SALL4: variants seen among roughly 807,000 people sequenced by gnomAD.
SALL4 encodes the protein sal-like protein 4.
Under a neutral mutation model 60.8 loss-of-function variants are expected in SALL4, and 4 were observed. The observed-to-expected ratio is 0.07, with a 90% CI of 0.03 to 0.15. The LOEUF (loss-of-function observed/expected upper bound fraction) is 0.15. Ranked by LOEUF, SALL4 falls within the 10% of genes least tolerant of loss-of-function variation. SALL4 has a pLI of 1.00. For missense variants in SALL4, 1,178 were observed against 1,394.7 expected, an observed-to-expected ratio of 0.84 and a Z score of 2.48; for synonymous variants, 580 against 574.9, an observed-to-expected ratio of 1.01 and a Z score of -0.13.
rs1398218869 is a variant in SALL4 at position 51,782,351 on chromosome 20, A to C, written c.*1914T>G. On this transcript the variant is annotated 3_prime_UTR_variant, in exon 4 of 4. Transcript: ENST00000217086. ...CTGGGTGAGAAAAAAAAACATTCAA[A>C]TTTTATTTTCCAACAGACAGACAGC... is the stretch of plus-strand genomic sequence containing the variant. 1.3e-5 allele frequency: 2 copies of C among 151,996 alleles called. No individual in the cohort carries two copies. Among genetic ancestry groups the C allele is most frequent in the East Asian group, 3.9e-4 (2 of 5,184 alleles). The allele number at this position is 151,996 out of a possible 1,614,324, so 9.4% of individuals were successfully genotyped here.
At chr20:51,798,523 A>T (rs1328397859) in intron 1 of SALL4, among the ~76,000 whole-genome samples, 3 of 152,160 alleles carry the variant, frequency 2.0e-5, no homozygotes, top group Non-Finnish European at 2.9e-5. Context: ...TGGCTTTTAA[A>T]AATGTTTAGA....
chr20:51,785,953 T>A (rs550771637), intron 3 of SALL4, among the ~76,000 whole-genome samples: 3 of 149,952 alleles, frequency 2.0e-5, no homozygotes, highest in Non-Finnish European at 3.0e-5. Flanking sequence ...TTTTTTTGAG[T>A]CTTAATCTGT....
intron 1 of SALL4, among the ~76,000 whole-genome samples, chr20:51,794,474 C>T (rs2078068446): frequency 6.6e-6 from 1 of 152,046 alleles, no homozygotes; most frequent in Middle Eastern, 3.2e-3. Flanking sequence ...TCACTTGAAC[C>T]CAGGAGGCGG....
rs757430438 is a variant in SALL4, at chr20:51,791,446, C to T, written c.1037G>A (p.Ser346Asn). The T allele has an allele frequency of 5.6e-5, 90 of 1,614,074 alleles. No individual in the cohort carries two copies. Among genetic ancestry groups the T allele is most frequent in the Non-Finnish European group, 7.0e-5 (83 of 1,180,038 alleles). ...PQAPGSVLFQ[S>N]PFSTVALDTS... ...GTCTAGCGCCACAGTGGAGAAAGGG[C>T]TCTGGAAGAGCACCGAGCCCGGGGC... The change falls in exon 2 of 4, where the codon AGC becomes AAC. Residue 346 changes from serine (S) to asparagine (N), a missense_variant. Around this residue, in one of 5 missense-constraint regions of SALL4, gnomAD observed 853 missense variants for 1,036.8 expected, o/e 0.82. Coordinates refer to ENST00000217086, the MANE Select transcript of SALL4 (RefSeq NM_020436.5). This position sits in a 1 kb window ranked among gnomAD's most constrained non-coding sequence, Gnocchi z 4.6.
rs1723332371 is a variant in SALL4, at chr20:51,784,593, T to C, written c.2834A>G (p.Asp945Gly). The change falls in exon 4 of 4, where the codon GAC (aspartate) becomes GGC (glycine). Residue 945 changes from aspartate to glycine, a missense_variant. Transcript: ENST00000217086. The part of the protein sequence containing the change: ...IENTMALLGT[D>G]GKRVSEIFPK... ...AAAGATTTCTGAGACTCTTTTTCCGTCCGTACCTAACAGAGCCATGGTGTT... is the reference window on the plus strand; with the variant it reads ...AAAGATTTCTGAGACTCTTTTTCCGCCCGTACCTAACAGAGCCATGGTGTT... 3 of 1,614,096 alleles carry C rather than the reference T, an allele frequency of 1.9e-6. No individual in the cohort carries two copies. The highest frequency in any genetic ancestry group is 2.5e-6 in the Non-Finnish European group (3 of 1,180,026).
In SALL4 at chr20:51,788,545, G is replaced by C. The variant is rs1004513927; in HGVS notation, c.2742+316C>G. 2.0e-5 allele frequency among the ~76,000 whole-genome samples: 3 copies of C among 152,028 alleles called. No homozygotes were observed. Among genetic ancestry groups the C allele is most frequent in the African/African-American group, 7.2e-5 (3 of 41,388 alleles). On this transcript the variant is annotated intron_variant, in intron 3 of 3. Transcript: ENST00000217086. The surrounding 1 kb of genome is among the most constrained non-coding windows in gnomAD (Gnocchi z 4.1). ...CTCTACTAAAAATACAAAAAAATTA[G>C]CCGGCCATGGTGGCGGACGCCTGTA... is the stretch of plus-strand genomic sequence containing the variant.
rs41274696 is a variant in SALL4, at chr20:51,790,268, C to A, written c.2215G>T (p.Ala739Ser). The A allele has an allele frequency of 3.8e-3, 6,122 of 1,614,146 alleles. 18 individuals carry two copies. Among genetic ancestry groups the A allele is most frequent in the Non-Finnish European group, 4.4e-3 (5,228 of 1,180,040 alleles). ...CCCTGGCGCTGCAGGTTAAAAGGGG[C>A]AGGACCCACTTTCCCTGGGGCATCT... ...SLDAPGKVGP[A>S]PFNLQRQGSR... Residue 739 changes from alanine to serine, a missense_variant, in exon 2 of 4, where the codon GCC (alanine) becomes TCC (serine). This residue lies in a region of SALL4 where 853 missense variants were observed against 1,036.8 expected (regional missense o/e 0.82). Coordinates refer to ENST00000217086, the MANE Select transcript of SALL4 (RefSeq NM_020436.5). The surrounding 1 kb of genome is among the most constrained non-coding windows in gnomAD (Gnocchi z 5.5).
At position 51,783,420 on chromosome 20, in the gene SALL4, G is replaced by A. The variant is rs2077967232; in HGVS notation, c.*845C>T. On this transcript the variant is annotated 3_prime_UTR_variant, in exon 4 of 4. Coordinates refer to ENST00000217086, the MANE Select transcript of SALL4 (RefSeq NM_020436.5). Reference sequence around the variant, plus strand: ...TAGTTTTTTGTTGTTCCTTTTTTAAGTACATTCAAAAAAAAACAATAAGAT... The same window carrying A: ...TAGTTTTTTGTTGTTCCTTTTTTAAATACATTCAAAAAAAAACAATAAGAT... 6.7e-6 allele frequency: 1 copy of A among 149,170 alleles called. No homozygotes were observed. Among genetic ancestry groups the A allele is most frequent in the Admixed American group, 6.6e-5 (1 of 15,122 alleles). 9.2% of individuals were successfully genotyped at this position (149,170 alleles called of 1,614,324 possible). A position where few individuals can be genotyped will look rare whatever the true frequency, so the allele number is the denominator to read the frequency against.
chr20:51,787,571 G>A (rs1331703023), intron 3 of SALL4, among the ~76,000 whole-genome samples: 8 of 152,194 alleles, frequency 5.3e-5, no homozygotes, highest in Non-Finnish European at 7.3e-5. Flanking sequence ...GGCTTCTGCT[G>A]AAGAAGGGAC....
Position 51,784,361 on chromosome 20 carries a change from A to T in SALL4, c.3066T>A (p.Gly1022=). 6.2e-7 allele frequency: 1 copy of T among 1,614,184 alleles called. No homozygotes were observed. The highest frequency in any genetic ancestry group is 8.5e-7 in the Non-Finnish European group (1 of 1,180,030). The change falls in exon 4 of 4, where the codon GGT becomes GGA. Residue 1022 remains glycine, a synonymous_variant. Coordinates refer to ENST00000217086, the MANE Select transcript of SALL4 (RefSeq NM_020436.5). ...TTGGTTTTTCCACATCTGCACTGAT[A>T]CCCGACTGGGAGCCATCCATCTTGG... is the stretch of plus-strand genomic sequence containing the variant. ...TVSKMDGSQS[G]ISADVEKPSA... is the part of the protein sequence containing the mutation.
chr20:51,792,461 GGCA>G (rs2078053694), intron 1 of SALL4, 109 bp from the exon 2 acceptor site: 3 of 1,350,624 alleles, frequency 2.2e-6, no homozygotes, highest in Middle Eastern at 2.3e-4. Flanking sequence ...GGCTGAGGTG[GGCA>G]GATCACCTGA....
At chr20:51,795,402 G>C (rs890348808) in intron 1 of SALL4, among the ~76,000 whole-genome samples, 1 of 151,940 alleles carries the variant, frequency 6.6e-6, no homozygotes, top group South Asian at 2.1e-4. Flanking sequence ...GCGAGACTCC[G>C]TGTCAAAAAA....
In SALL4 at chr20:51,784,703, A is replaced by C; in HGVS notation, c.2743-19T>G. On this transcript the variant is annotated intron_variant, in intron 3 of 3. Coordinates refer to ENST00000217086, the MANE Select transcript of SALL4 (RefSeq NM_020436.5). ...AGTGAACCTATGGGAACAGGACAGAAAGGTTTTTACCAAAATAGAGATTTG... is the reference window on the plus strand; with the variant it reads ...AGTGAACCTATGGGAACAGGACAGACAGGTTTTTACCAAAATAGAGATTTG... The C allele has an allele frequency of 6.2e-7, 1 of 1,614,126 alleles. No individual in the cohort carries two copies. Among genetic ancestry groups the C allele is most frequent in the Non-Finnish European group, 8.5e-7 (1 of 1,179,992 alleles).
chr20:51,791,653 T>C lies in SALL4; in HGVS notation c.830A>G (p.Gln277Arg). 6.2e-7 allele frequency: 1 copy of C among 1,614,148 alleles called. No individual in the cohort carries two copies. Among genetic ancestry groups the C allele is most frequent in the Non-Finnish European group, 8.5e-7 (1 of 1,180,048 alleles). ...AGACAGACCTTGGCTTCCAGCTTTC[T>C]GGCTGAGCAAAGCCACAGCTGCAGA... ...QVSAAVALLS[Q>R]KAGSQGLSLD... The change falls in exon 2 of 4, where the codon CAG becomes CGG. Residue 277 changes from glutamine (Q) to arginine (R), a missense_variant. Around this residue, in one of 5 missense-constraint regions of SALL4, gnomAD observed 853 missense variants for 1,036.8 expected, o/e 0.82. Coordinates refer to ENST00000217086, the MANE Select transcript of SALL4 (RefSeq NM_020436.5). This position sits in a 1 kb window ranked among gnomAD's most constrained non-coding sequence, Gnocchi z 4.6.
chr20:51,784,143 T>TA lies in SALL4; in HGVS notation c.*121dup, dbSNP rs2077972713. On this transcript the variant is annotated 3_prime_UTR_variant, in exon 4 of 4. Coordinates refer to ENST00000217086, the MANE Select transcript of SALL4 (RefSeq NM_020436.5). ...CCTGAGGTTGTGGTCACAACCAACGTAGTAAACATCATTTGCATATCAGTA... is the reference window on the plus strand; with the variant it reads ...CCTGAGGTTGTGGTCACAACCAACGTAAGTAAACATCATTTGCATATCAGTA... 6.8e-6 allele frequency: 8 copies of TA among 1,174,494 alleles called. No individual in the cohort carries two copies. The highest frequency in any genetic ancestry group is 1.0e-5 in the Non-Finnish European group (8 of 800,800). 72.8% of individuals were successfully genotyped at this position (1,174,494 alleles called of 1,614,324 possible). A position where few individuals can be genotyped will look rare whatever the true frequency, so the allele number is the denominator to read the frequency against.
intron 2 of SALL4, 103 bp downstream of exon 2, chr20:51,789,919 G>C (rs1456361080): frequency 3.5e-6 from 5 of 1,418,148 alleles, no homozygotes; most frequent in Non-Finnish European, 5.0e-6. Flanking sequence ...CTATAGAAGG[G>C]GCTGCTTCAA....
Position 51,782,761 on chromosome 20 carries a change from A to G in SALL4, c.*1504T>C, listed in dbSNP as rs941662166. The G allele has an allele frequency of 4.0e-5, 6 of 151,856 alleles. No individual in the cohort carries two copies. Among genetic ancestry groups the G allele is most frequent in the South Asian group, 4.1e-4 (2 of 4,822 alleles). The allele number at this position is 151,856 out of a possible 1,614,324, so 9.4% of individuals were successfully genotyped here. On this transcript the variant is annotated 3_prime_UTR_variant, in exon 4 of 4. Transcript: ENST00000217086. ...GTTTCGTTTGCTCAATATCACATTT[A>G]CAAAGGAAACTACAAAAAAAAAAGG...
In SALL4 at chr20:51,783,282, T is replaced by C. The variant is rs148226414; in HGVS notation, c.*983A>G. 1.1e-3 allele frequency: 169 copies of C among 152,272 alleles called. No individual in the cohort carries two copies. The highest frequency in any genetic ancestry group is 4.0e-3 in the African/African-American group (165 of 41,560). 9.4% of individuals were successfully genotyped at this position (152,272 alleles called of 1,614,324 possible). On this transcript the variant is annotated 3_prime_UTR_variant, in exon 4 of 4. Transcript: ENST00000217086. ...CACTCTCGGGGCTCCAACTGAACTGTATTTAAATAAGCAGCAACACACACA... is the reference window on the plus strand; with the variant it reads ...CACTCTCGGGGCTCCAACTGAACTGCATTTAAATAAGCAGCAACACACACA...
chr20:51,786,015 G>T (rs1365523116), intron 3 of SALL4, among the ~76,000 whole-genome samples: 1 of 150,360 alleles, frequency 6.7e-6, no homozygotes, highest in East Asian at 2.0e-4. Flanking sequence ...AACCTCCAAG[G>T]CTCAAGCAAC....
Sources: gnomAD v4.1 joint callset for allele counts (sites outside exome capture counted in the v4.1 genomes callset) on GRCh38, gnomAD v4.1.1 for gene constraint, gnomAD v4.1.1 regional missense constraint, Gnocchi (gnomAD v3.1) non-coding constraint, MANE v1.5 for transcripts, NCBI Gene and HGNC (gene_info 2026-07-23, HGNC 2026-07-21) for gene names.